The following TTLL11 variants were observed in gnomAD, a reference collection of about 807,000 sequenced individuals.
The protein encoded by TTLL11 is tubulin polyglutamylase TTLL11.
TTLL11 carries 42 observed loss-of-function variants against 51.7 expected under a neutral mutation model. That is an observed-to-expected ratio of 0.81 (90% CI 0.64 to 1.05). The LOEUF (loss-of-function observed/expected upper bound fraction) is 1.05. Among genes scored for constraint, TTLL11 ranks in the 50% least tolerant of loss-of-function variants. The pLI is 0.00. For missense variants in TTLL11, 799 were observed against 940.4 expected, an observed-to-expected ratio of 0.85 and a Z score of 1.97; for synonymous variants, 381 against 383.5, an observed-to-expected ratio of 0.99 and a Z score of 0.08.
At chr9:122,018,993 T>C (rs1347081886) in intron 3 of TTLL11, among the ~76,000 whole-genome samples, 1 of 152,206 alleles carries the variant, frequency 6.6e-6, no homozygotes, top group African/African-American at 2.4e-5. Flanking sequence ...TAACTTTCCT[T>C]CTTCTCCACT....
chr9:121,848,974 A>T (rs1837592757), intron 8 of TTLL11, among the ~76,000 whole-genome samples: 1 of 152,240 alleles, frequency 6.6e-6, no homozygotes, highest in Non-Finnish European at 1.5e-5. Context: ...AAGTCAGTGG[A>T]CTGACACTGC....
intron 2 of TTLL11, among the ~76,000 whole-genome samples, chr9:122,034,857 C>T (rs1017047216): frequency 2.0e-5 from 3 of 152,166 alleles, no homozygotes; most frequent in Admixed American, 1.3e-4. Context: ...GCAGCTGCAG[C>T]GCCTGACCCC....
intron 6 of TTLL11, among the ~76,000 whole-genome samples, chr9:121,876,517 A>G (rs749119175): frequency 6.6e-6 from 1 of 152,220 alleles, no homozygotes; most frequent in Non-Finnish European, 1.5e-5. Context: ...CAGTGTGATG[A>G]TGAGTGAGCC....
intron 2 of TTLL11, among the ~76,000 whole-genome samples, chr9:122,036,286 G>C (rs971771788): frequency 6.6e-6 from 1 of 151,798 alleles, no homozygotes; most frequent in Non-Finnish European, 1.5e-5. Context: ...CCAGCAGAAA[G>C]CCCCCTCCTC....
intron 4 of TTLL11, among the ~76,000 whole-genome samples, chr9:121,987,917 C>T (rs1275329316): frequency 2.0e-5 from 3 of 152,090 alleles, no homozygotes; most frequent in African/African-American, 7.2e-5. Flanking sequence ...CTCCAAGCTC[C>T]AAATAGCCAA....
intron 6 of TTLL11, among the ~76,000 whole-genome samples, chr9:121,963,410 C>A (rs943616673): frequency 6.6e-6 from 1 of 152,194 alleles, no homozygotes; most frequent in African/African-American, 2.4e-5. Context: ...TAAAAGCACA[C>A]GAACATTTAA....
At chr9:121,859,376 CTG>C (rs200954842) in intron 8 of TTLL11, among the ~76,000 whole-genome samples, 3,816 of 151,934 alleles carry the variant, frequency 0.025, 78 homozygotes, top group Non-Finnish European at 0.034. Flanking sequence ...TGGCTTGCAC[CTG>C]TAATCCCAGA....
Position 121,989,698 on chromosome 9 carries a change from C to G in TTLL11, c.766G>C (p.Gly256Arg), listed in dbSNP as rs780328648. 3 of 1,613,542 alleles carry G rather than the reference C, an allele frequency of 1.9e-6. No homozygotes were observed. The highest frequency in any genetic ancestry group is 1.7e-5 in the Admixed American group (1 of 59,988). ...TCTTTAATGAGGTAGATTCCATCAC[C>G]CTGACAACCACCATCAGGTTTCACG... is the stretch of plus-strand genomic sequence containing the variant. ...FIVKPDGGCQGDGIYLIKDPS... is the reference protein window; with the variant it reads ...FIVKPDGGCQRDGIYLIKDPS... The change falls in exon 4 of 9, where the codon GGT (glycine) becomes CGT (arginine). Residue 256 changes from glycine to arginine, a missense_variant. Transcript: ENST00000321582. The surrounding 1 kb of genome is among the most constrained non-coding windows in gnomAD (Gnocchi z 4.2).
intron 6 of TTLL11, among the ~76,000 whole-genome samples, chr9:121,915,032 G>C (rs1437184105): frequency 6.6e-6 from 1 of 152,106 alleles, no homozygotes; most frequent in East Asian, 1.9e-4. Context: ...ATTTCATCTC[G>C]ATTTCCTCTG....
chr9:121,924,166 G>T (rs2131532125), intron 6 of TTLL11, among the ~76,000 whole-genome samples: 1 of 152,342 alleles, frequency 6.6e-6, no homozygotes, highest in East Asian at 1.9e-4. Flanking sequence ...ACTAATATAA[G>T]AAGTAATTGG....
chr9:121,901,453 G>A (rs1839772297), intron 6 of TTLL11, among the ~76,000 whole-genome samples: 1 of 152,112 alleles, frequency 6.6e-6, no homozygotes, highest in Non-Finnish European at 1.5e-5. Flanking sequence ...CTTCTGTCAT[G>A]TGTCTGGGAA....
chr9:121,919,727 C>T (rs1840454662), intron 6 of TTLL11, among the ~76,000 whole-genome samples: 1 of 151,846 alleles, frequency 6.6e-6, no homozygotes, highest in South Asian at 2.1e-4. Context: ...CAAGAATATC[C>T]TAAGCCAGGT....
chr9:121,827,700 T>C (rs1016041137), intron 8 of TTLL11, among the ~76,000 whole-genome samples: 4 of 152,196 alleles, frequency 2.6e-5, no homozygotes, highest in African/African-American at 9.6e-5. Context: ...TGACTAGATA[T>C]TGGCTTTAAT....
chr9:122,021,751 A>G (rs1344664082), intron 3 of TTLL11, among the ~76,000 whole-genome samples: 1 of 152,228 alleles, frequency 6.6e-6, no homozygotes, highest in Admixed American at 6.5e-5. Context: ...GAAATATCCA[A>G]CATCCAAATA....
intron 1 of TTLL11, among the ~76,000 whole-genome samples, chr9:122,059,794 G>A (rs1309538780): frequency 2.0e-5 from 3 of 152,088 alleles, no homozygotes; most frequent in South Asian, 2.1e-4. Context: ...AGGTGTTGCC[G>A]GGTTTATGGC....
intron 6 of TTLL11, among the ~76,000 whole-genome samples, chr9:121,922,053 C>A (rs1461063411): frequency 2.0e-5 from 3 of 152,158 alleles, no homozygotes; most frequent in Non-Finnish European, 2.9e-5. Context: ...CACTTTCTAA[C>A]TGCCAGCTGC....
intron 6 of TTLL11, among the ~76,000 whole-genome samples, chr9:121,942,646 G>A (rs958981474): frequency 4.0e-5 from 6 of 151,262 alleles, no homozygotes; most frequent in African/African-American, 1.5e-4. Flanking sequence ...TCTGATCTCT[G>A]AGCCTGACAT....
chr9:122,036,508 A>C (rs1434321479), intron 2 of TTLL11, among the ~76,000 whole-genome samples: 1 of 151,910 alleles, frequency 6.6e-6, no homozygotes, highest in Non-Finnish European at 1.5e-5. Context: ...TCTAAATCAG[A>C]TTATTTTCAT....
intron 1 of TTLL11, among the ~76,000 whole-genome samples, chr9:122,089,987 T>C (rs1490163969): frequency 6.6e-6 from 1 of 151,796 alleles, no homozygotes; most frequent in Non-Finnish European, 1.5e-5. Flanking sequence ...AATAAACATC[T>C]CCACCTATAT....
Sources: gnomAD v4.1 joint callset for allele counts (sites outside exome capture counted in the v4.1 genomes callset) on GRCh38, gnomAD v4.1.1 for gene constraint, Gnocchi (gnomAD v3.1) non-coding constraint, MANE v1.5 for transcripts, NCBI Gene and HGNC (gene_info 2026-07-23, HGNC 2026-07-21) for gene names.